The following HIPK1 variants were observed in gnomAD, a reference collection of about 807,000 sequenced individuals.
The protein encoded by HIPK1 is homeodomain interacting protein kinase 1, also known as homeodomain-interacting protein kinase 1.
In HIPK1, 28 loss-of-function variants were observed where a neutral mutation model predicts 117.1. The ratio of observed to expected loss-of-function variants is 0.24; its 90% CI spans 0.18 to 0.33. HIPK1 has a LOEUF of 0.33. HIPK1 is among the 10% of genes least tolerant of loss of function. The pLI is 1.00. For synonymous variants in HIPK1, 605 were observed against 562.5 expected (o/e 1.08, Z -1.07); for missense variants, 1,122 against 1,475.1 (o/e 0.76, Z 3.92).
chr1:113,957,386 G>A (rs533560493), intron 7 of HIPK1, 100 bp downstream of exon 7: 1 of 896,208 alleles, frequency 1.1e-6, no homozygotes, highest in Non-Finnish European at 1.7e-6. Context: ...TGGTGGTCTT[G>A]TTGCTTCTTA....
At chr1:113,959,816 A>G (rs1671977938) in intron 8 of HIPK1, among the ~76,000 whole-genome samples, 1 of 152,188 alleles carries the variant, frequency 6.6e-6, no homozygotes, top group South Asian at 2.1e-4. Flanking sequence ...GATGATGATG[A>G]TGCCTGATAT....
At chr1:113,946,669 C>T (rs1227217726) in intron 2 of HIPK1, among the ~76,000 whole-genome samples, 1 of 152,118 alleles carries the variant, frequency 6.6e-6, no homozygotes, top group East Asian at 1.9e-4. Context: ...AGTTACCCTT[C>T]GACAAAGCTT....
At position 113,929,468 on chromosome 1, in the gene HIPK1, A is replaced by G. The variant is rs370499586; in HGVS notation, c.-67A>G. On this transcript the variant is annotated 5_prime_UTR_variant, in exon 1 of 16. Transcript: ENST00000426820. ...AGGCCCACCTACTCGAGGCCCACCG[A>G]CTCCTACTGCAATCAGTACTATGCG... 768 of 1,289,026 alleles carry G rather than the reference A, an allele frequency of 6.0e-4. 6 individuals carry two copies. In the Middle Eastern group the frequency reaches 0.014, roughly 24 times the overall value. 79.8% of individuals were successfully genotyped at this position (1,289,026 alleles called of 1,614,324 possible).
Position 113,956,648 on chromosome 1 carries a change from G to T in HIPK1, c.1429G>T (p.Glu477Ter). 1 of 1,613,820 alleles carries T rather than the reference G, an allele frequency of 6.2e-7. No individual in the cohort carries two copies. The highest frequency in any genetic ancestry group is 8.5e-7 in the Non-Finnish European group (1 of 1,179,834). The stretch of plus-strand genomic sequence containing the variant: ...GAAGGTGAATATGTCTACAGACCTG[G>T]AGGGAACAGACATGTTGGCAGAGAA... ...MAQVNMSTDL[E>*]GTDMLAEKAD... Residue 477 changes from glutamate to a stop codon, truncating the protein, a stop_gained, in exon 6 of 16, where the codon GAG becomes TAG. Transcript: ENST00000426820. LOFTEE classifies it high-confidence loss of function.
chr1:113,941,389 A>G lies in HIPK1; in HGVS notation c.1006A>G (p.Ile336Val), dbSNP rs1354277674. Reference sequence around the variant, plus strand: ...TCGCCAGCCCTACCGAGTGAAGGTCATTGACTTTGGTTCTGCTAGTCACGT... The same window carrying G: ...TCGCCAGCCCTACCGAGTGAAGGTCGTTGACTTTGGTTCTGCTAGTCACGT... ...PVRQPYRVKV[I>V]DFGSASHVSK... The change falls in exon 2 of 16, where the codon ATT becomes GTT. Residue 336 changes from isoleucine (I) to valine (V), a missense_variant. By Grantham distance (29) the Ile-to-Val change is conservative (BLOSUM62 3). Around this residue, in one of 6 missense-constraint regions of HIPK1, gnomAD observed 8 missense variants for 41.5 expected, o/e 0.19. Transcript: ENST00000426820. The surrounding 1 kb of genome is among the most constrained non-coding windows in gnomAD (Gnocchi z 4.9). 1.2e-6 allele frequency: 2 copies of G among 1,614,098 alleles called. No homozygotes were observed. The highest frequency in any genetic ancestry group is 2.7e-5 in the African/African-American group (2 of 74,946).
At position 113,958,124 on chromosome 1, in the gene HIPK1, C is replaced by A; in HGVS notation, c.1814C>A (p.Ser605Ter). 2 of 1,614,138 alleles carry A rather than the reference C, an allele frequency of 1.2e-6. No individual in the cohort carries two copies. Among genetic ancestry groups the A allele is most frequent in the Non-Finnish European group, 1.7e-6 (2 of 1,180,004 alleles). The part of the protein sequence containing the change: ...AAAATLSLAN[S>*]DVSLLNYQSA... ...GCTGCTACTCTTTCTCTGGCTAATT[C>A]AGATGTCTCACTACTAAACTACCAG... Residue 605 changes from serine to a stop codon, truncating the protein, a stop_gained, in exon 8 of 16, where the codon TCA becomes TAA. Coordinates refer to ENST00000426820, the MANE Select transcript of HIPK1 (RefSeq NM_198268.3). LOFTEE classifies it high-confidence loss of function.
chr1:113,941,989 C>G lies in HIPK1; in HGVS notation c.1076+530C>G, dbSNP rs1333967132. 3.3e-5 allele frequency among the ~76,000 whole-genome samples: 5 copies of G among 151,810 alleles called. No homozygotes were observed. The highest frequency in any genetic ancestry group is 7.4e-5 in the Non-Finnish European group (5 of 67,978). ...TGTTAGCCAGGATGGTCTCGATATC[C>G]TGACCTCGTGATCCACCCGTCTCGG... On this transcript the variant is annotated intron_variant, in intron 2 of 15. Coordinates refer to ENST00000426820, the MANE Select transcript of HIPK1 (RefSeq NM_198268.3). This position sits in a 1 kb window ranked among gnomAD's most constrained non-coding sequence, Gnocchi z 4.9.
chr1:113,941,523 C>A lies in HIPK1; in HGVS notation c.1076+64C>A, dbSNP rs1271833000. 5 of 1,222,618 alleles carry A rather than the reference C, an allele frequency of 4.1e-6. No individual in the cohort carries two copies. Among genetic ancestry groups the A allele is most frequent in the African/African-American group, 1.5e-5 (1 of 66,426 alleles). The allele number at this position is 1,222,618 out of a possible 1,614,324, so 75.7% of individuals were successfully genotyped here. On this transcript the variant is annotated intron_variant, in intron 2 of 15. Transcript: ENST00000426820. This position sits in a 1 kb window ranked among gnomAD's most constrained non-coding sequence, Gnocchi z 4.9. ...GTTCTGTCCTTATATTTAACATATA[C>A]CCCGTAGGCTACATATAGCAATGAA...
intron 2 of HIPK1, among the ~76,000 whole-genome samples, chr1:113,949,787 A>T (rs1291930757): frequency 6.6e-6 from 1 of 151,826 alleles, no homozygotes; most frequent in Non-Finnish European, 1.5e-5. Flanking sequence ...TTTAGTAGAG[A>T]TGGGGTTTCA....
At chr1:113,960,894 T>G (rs1235764270) in intron 8 of HIPK1, among the ~76,000 whole-genome samples, 1 of 152,220 alleles carries the variant, frequency 6.6e-6, no homozygotes, top group African/African-American at 2.4e-5. Context: ...AAGACTGACT[T>G]GCTGAAAACA....
intron 10 of HIPK1, among the ~76,000 whole-genome samples, chr1:113,965,547 A>G (rs1159294085): frequency 1.3e-5 from 2 of 152,192 alleles, no homozygotes; most frequent in African/African-American, 2.4e-5. Flanking sequence ...TTATGTGGCT[A>G]TAAATGATGA....
intron 2 of HIPK1, among the ~76,000 whole-genome samples, chr1:113,944,163 T>TTG (rs1348301098): frequency 4.1e-5 from 5 of 121,702 alleles, no homozygotes; most frequent in Non-Finnish European, 8.4e-5. Flanking sequence ...CCATGGGTTT[T>TTG]TTTTTTTTTT....
At chr1:113,944,990 G>A (rs1203442492) in intron 2 of HIPK1, among the ~76,000 whole-genome samples, 1 of 151,988 alleles carries the variant, frequency 6.6e-6, no homozygotes, top group African/African-American at 2.4e-5. Context: ...TGAGACTACG[G>A]GCATGCACCC....
rs1373477453 is a variant in HIPK1, at chr1:113,954,722, G to A, written c.1272G>A (p.Arg424=). 5 of 1,614,014 alleles carry A rather than the reference G, an allele frequency of 3.1e-6. No individual in the cohort carries two copies. Among genetic ancestry groups the A allele is most frequent in the East Asian group, 4.5e-5 (2 of 44,870 alleles). The change falls in exon 4 of 16, where the codon AGG becomes AGA. Residue 424 remains arginine (R), a synonymous_variant. Transcript: ENST00000426820. ...TCAGTGCCGGAACAAAAACAACCAGGTTTTTCAACAGAGATCCTAATTTGG... is the reference window on the plus strand; with the variant it reads ...TCAGTGCCGGAACAAAAACAACCAGATTTTTCAACAGAGATCCTAATTTGG... ...YLLSAGTKTT[R]FFNRDPNLGY...
rs138535505 is a variant in HIPK1, at chr1:113,932,925, C to T, written c.-3+3393C>T. On this transcript the variant is annotated intron_variant, in intron 1 of 15. Coordinates refer to ENST00000426820, the MANE Select transcript of HIPK1 (RefSeq NM_198268.3). ...AACTGCTGTTGCCTTACTTAAGTCC[C>T]GTTTTCCTTCAGCCTTTGCTGGCAT... is the stretch of plus-strand genomic sequence containing the variant. Among the ~76,000 whole-genome samples the T allele has an allele frequency of 5.1e-4, 77 of 152,286 alleles. No individual in the cohort carries two copies. The East Asian group carries it at 0.012, about 23-fold the overall frequency.
At chr1:113,936,200 T>TACATC (rs1670238714) in intron 1 of HIPK1, among the ~76,000 whole-genome samples, 1 of 152,204 alleles carries the variant, frequency 6.6e-6, no homozygotes, top group South Asian at 2.1e-4. Context: ...TGACTTTTTG[T>TACATC]ACATCACACC....
rs1301679078 is a variant in HIPK1 at position 113,938,929 on chromosome 1, T to TATACACACACAC, written c.-2-1452_-2-1451insTACACACACACA. On this transcript the variant is annotated intron_variant, in intron 1 of 15. Coordinates refer to ENST00000426820, the MANE Select transcript of HIPK1 (RefSeq NM_198268.3). ...TGTCTCAAAAAAAAAAAAAAAAAAA[T>TATACACACACAC]ACACACACACACACACACACACACA... Among the ~76,000 whole-genome samples, 84 of 115,482 alleles carry TATACACACACAC rather than the reference T, an allele frequency of 7.3e-4. 1 individual carries two copies. The highest frequency in any genetic ancestry group is 2.5e-3 in the African/African-American group (72 of 29,108). The allele number at this position is 115,482 out of a possible 152,430, so 75.8% of individuals were successfully genotyped here.
chr1:113,973,174 G>A lies in HIPK1; in HGVS notation c.3295G>A (p.Ala1099Thr), dbSNP rs768578313. The change falls in exon 16 of 16, where the codon GCC (alanine) becomes ACC (threonine). Residue 1099 changes from alanine (A) to threonine (T), a missense_variant. Coordinates refer to ENST00000426820, the MANE Select transcript of HIPK1 (RefSeq NM_198268.3). ...ACACTCGACAGGGCACCCACACCTT[G>A]CCCCGGCCCCTGCTCACCTGCCAAG... ...PLHSTGHPHL[A>T]PAPAHLPSQA... 3 of 1,610,086 alleles carry A rather than the reference G, an allele frequency of 1.9e-6. No homozygotes were observed. In the Admixed American group the frequency reaches 5.0e-5, roughly 27 times the overall value.
At position 113,970,113 on chromosome 1, in the gene HIPK1, G is replaced by A. The variant is rs773783099; in HGVS notation, c.2929G>A (p.Ala977Thr). ...SVLEGPGRVVADGTGTRTIIV... is the reference protein window; with the variant it reads ...SVLEGPGRVVTDGTGTRTIIV... ...TTTGGAGGGGCCTGGCAGAGTTGTG[G>A]CAGATGGCACTGGCACCCGCACTAT... Residue 977 changes from alanine to threonine, a missense_variant, in exon 14 of 16, where the codon GCA becomes ACA. By Grantham distance (58) the Ala-to-Thr change is moderately conservative. Transcript: ENST00000426820. 11 of 1,614,048 alleles carry A rather than the reference G, an allele frequency of 6.8e-6. No individual in the cohort carries two copies. The highest frequency in any genetic ancestry group is 1.3e-5 in the African/African-American group (1 of 74,922).
Sources: allele counts gnomAD v4.1 joint callset (sites outside exome capture counted in the v4.1 genomes callset), GRCh38; gene constraint gnomAD v4.1.1; regional missense constraint gnomAD v4.1.1; non-coding constraint Gnocchi (gnomAD v3.1); transcripts MANE v1.5; gene names NCBI Gene and HGNC (gene_info 2026-07-23, HGNC 2026-07-21).